NPAS3: variants seen among roughly 807,000 people sequenced by gnomAD.
The protein encoded by NPAS3 is neuronal PAS domain protein 3.
Under a neutral mutation model 73.1 loss-of-function variants are expected in NPAS3, and 14 were observed. The observed-to-expected ratio is 0.19, with a 90% CI of 0.13 to 0.30. NPAS3 has a LOEUF of 0.30. NPAS3 is among the 10% of genes least tolerant of loss of function. NPAS3 has a pLI of 1.00. For missense variants in NPAS3, 1,096 were observed against 1,250.0 expected (o/e 0.88, Z 1.86); for synonymous variants, 620 against 541.5 (o/e 1.14, Z -2.01).
chr14:33,269,178 A>C (rs1405736615), intron 3 of NPAS3, among the ~76,000 whole-genome samples: 3 of 152,222 alleles, frequency 2.0e-5, no homozygotes, highest in Non-Finnish European at 2.9e-5. Context: ...AAATAAATTA[A>C]AATAGAAATT....
intron 2 of NPAS3, among the ~76,000 whole-genome samples, chr14:33,063,772 C>T (rs940157781): frequency 1.3e-5 from 2 of 152,150 alleles, no homozygotes; most frequent in Non-Finnish European, 2.9e-5. Flanking sequence ...AACCTAAGGT[C>T]TAAACCATAA....
intron 5 of NPAS3, among the ~76,000 whole-genome samples, chr14:33,606,342 C>G (rs1345272270): frequency 6.7e-6 from 1 of 150,292 alleles, no homozygotes; most frequent in Non-Finnish European, 1.5e-5. Context: ...TTTGTTCTTG[C>G]GATAGTTTAC....
intron 7 of NPAS3, among the ~76,000 whole-genome samples, chr14:33,770,672 G>A (rs965974140): frequency 6.6e-6 from 1 of 152,160 alleles, no homozygotes; most frequent in African/African-American, 2.4e-5. Context: ...GGCCGAGGTG[G>A]GCATATCAAT....
chr14:33,393,363 G>A (rs1303470), intron 4 of NPAS3, among the ~76,000 whole-genome samples: 75,471 of 151,974 alleles, frequency 0.5, 20,501 homozygotes, highest in Non-Finnish European at 0.61. Context: ...CCACTGATTC[G>A]CATTTTTATG....
chr14:33,451,372 C>T (rs1465780199), intron 4 of NPAS3, among the ~76,000 whole-genome samples: 3 of 152,164 alleles, frequency 2.0e-5, no homozygotes, highest in East Asian at 1.9e-4. Context: ...AGTCATGTGA[C>T]CTTGGCAAAG....
intron 4 of NPAS3, among the ~76,000 whole-genome samples, chr14:33,497,819 T>G (rs1463001723): frequency 1.3e-5 from 2 of 151,968 alleles, no homozygotes; most frequent in African/African-American, 4.8e-5. Flanking sequence ...CCAAAAGCAA[T>G]GGCAACAAAA....
chr14:33,332,830 T>A (rs1377078563), intron 3 of NPAS3, among the ~76,000 whole-genome samples: 1 of 152,206 alleles, frequency 6.6e-6, no homozygotes, highest in Non-Finnish European at 1.5e-5. Flanking sequence ...CTATGCAGCT[T>A]CTTTCTCAGA....
chr14:33,228,609 C>T (rs1197332856), intron 3 of NPAS3, among the ~76,000 whole-genome samples: 1 of 152,018 alleles, frequency 6.6e-6, no homozygotes, highest in African/African-American at 2.4e-5. Context: ...ACCTATTCAT[C>T]CTCTAAATAT....
At chr14:33,776,521 TAAAAAAAAAAAAAAAAAAAAA>T (rs552348267) in intron 8 of NPAS3, among the ~76,000 whole-genome samples, 31 of 32,060 alleles carry the variant, frequency 9.7e-4, no homozygotes, top group South Asian at 6.5e-3. Context: ...TTCTTCCTCT[TAAAAAAAAAAAAAAAAAAAAA>T]AAAAAAAAAA....
intron 4 of NPAS3, among the ~76,000 whole-genome samples, chr14:33,468,957 G>A (rs566085505): frequency 1.0e-3 from 153 of 152,210 alleles, no homozygotes; most frequent in Non-Finnish European, 1.6e-3. Flanking sequence ...ATCTACAGGG[G>A]TGTTACCTAG....
chr14:33,115,460 G>C (rs551816102), intron 2 of NPAS3, among the ~76,000 whole-genome samples: 1 of 152,026 alleles, frequency 6.6e-6, no homozygotes, highest in Non-Finnish European at 1.5e-5. Context: ...ATATAATGCT[G>C]GTGTCATAAG....
intron 4 of NPAS3, among the ~76,000 whole-genome samples, chr14:33,444,584 A>G (rs2049400030): frequency 1.3e-5 from 2 of 152,226 alleles, no homozygotes; most frequent in South Asian, 4.1e-4. Flanking sequence ...TTTCCTGACC[A>G]GCGTCACTGG....
chr14:32,953,906 C>G (rs2036579021), intron 1 of NPAS3, among the ~76,000 whole-genome samples: 1 of 152,172 alleles, frequency 6.6e-6, no homozygotes, highest in African/African-American at 2.4e-5. Context: ...CAAGACTGTT[C>G]TCTGTACAGC....
chr14:33,784,545 C>T (rs1304097702), intron 9 of NPAS3, among the ~76,000 whole-genome samples: 1 of 152,018 alleles, frequency 6.6e-6, no homozygotes. Context: ...TAAGGCATTG[C>T]AGGCTTAGAA....
chr14:33,330,705 G>A (rs758222175), intron 3 of NPAS3, among the ~76,000 whole-genome samples: 7 of 152,254 alleles, frequency 4.6e-5, no homozygotes, highest in East Asian at 1.9e-4. Flanking sequence ...CTCAGAGGCC[G>A]GCAGATAAAT....
chr14:33,314,296 C>T (rs961412063), intron 3 of NPAS3, among the ~76,000 whole-genome samples: 4 of 151,488 alleles, frequency 2.6e-5, no homozygotes, highest in African/African-American at 7.3e-5. Context: ...TTTATTTTTC[C>T]ACCGTAGAAA....
intron 4 of NPAS3, among the ~76,000 whole-genome samples, chr14:33,511,490 CA>C (rs2053049235): frequency 6.6e-6 from 1 of 151,990 alleles, no homozygotes; most frequent in Non-Finnish European, 1.5e-5. Flanking sequence ...GGATATAAAA[CA>C]GCACAAAAAT....
chr14:33,577,612 C>T (rs1457620940), intron 5 of NPAS3, among the ~76,000 whole-genome samples: 2 of 152,090 alleles, frequency 1.3e-5, no homozygotes, highest in Non-Finnish European at 2.9e-5. Flanking sequence ...TATCCCATGC[C>T]CTTCTTTTTC....
intron 5 of NPAS3, among the ~76,000 whole-genome samples, chr14:33,574,822 G>T (rs541304806): frequency 6.6e-6 from 1 of 152,282 alleles, no homozygotes; most frequent in Non-Finnish European, 1.5e-5. Context: ...GCTGAGAAGT[G>T]GGGGAATGGA....
Sources: gnomAD v4.1 joint callset for allele counts (sites outside exome capture counted in the v4.1 genomes callset) on GRCh38, gnomAD v4.1.1 for gene constraint, MANE v1.5 for transcripts, NCBI Gene and HGNC (gene_info 2026-07-23, HGNC 2026-07-21) for gene names.